Variants in SERGEF observed in about 807,000 individuals in gnomAD.
SERGEF encodes the protein secretion-regulating guanine nucleotide exchange factor.
SERGEF carries 51 observed loss-of-function variants against 50.0 expected under a neutral mutation model. The ratio of observed to expected loss-of-function variants is 1.02; its 90% confidence interval spans 0.81 to 1.29. The LOEUF (loss-of-function observed/expected upper bound fraction) is 1.29, where lower values mean the gene tolerates loss of function less well. Ranked by LOEUF, SERGEF falls within the 50% of genes most tolerant of loss-of-function variation. The pLI is 0.00. For missense variants in SERGEF, 521 were observed against 557.0 expected, an observed-to-expected ratio of 0.94 and a Z score of 0.65; for synonymous variants, 205 against 212.4, an observed-to-expected ratio of 0.97 and a Z score of 0.30.
At chr11:17,927,725 G>C (rs569158458) in intron 9 of SERGEF, among the ~76,000 whole-genome samples, 1 of 152,348 alleles carries the variant, frequency 6.6e-6, no homozygotes, top group African/African-American at 2.4e-5. Context: ...CTGGGAACCT[G>C]TTAGAAGTGG....
chr11:18,000,464 A>C (rs1414604018), intron 5 of SERGEF, 33 bp downstream of exon 5: 5 of 1,457,770 alleles, frequency 3.4e-6, no homozygotes, highest in Non-Finnish European at 4.7e-6. Context: ...AGTATTAAAA[A>C]TAAAAATAAA....
chr11:17,931,973 T>C (rs572479473), intron 9 of SERGEF, among the ~76,000 whole-genome samples: 2 of 152,190 alleles, frequency 1.3e-5, no homozygotes, highest in South Asian at 4.1e-4. Flanking sequence ...AGTAGAAAAC[T>C]AAGCTTTCAA....
chr11:17,908,975 A>C (rs1851901568), intron 9 of SERGEF, among the ~76,000 whole-genome samples: 1 of 152,200 alleles, frequency 6.6e-6, no homozygotes. Flanking sequence ...CAAGAATAAA[A>C]AGGTATAGAA....
chr11:17,995,692 C>T, intron 6 of SERGEF, 104 bp downstream of exon 6: 1 of 810,420 alleles, frequency 1.2e-6, no homozygotes, highest in Non-Finnish European at 2.0e-6. Context: ...TTAGAGAGAC[C>T]AAGAAATAGC....
chr11:17,879,207 TGG>T lies in SERGEF; in HGVS notation c.1012-965_1012-964del, dbSNP rs557468332. ...TTCTGAATCCAGAGTTTCCAACCAG[TGG>T]GAGATACTTCTTGCCCTTCAGTCTC... On this transcript the variant is annotated intron_variant, in intron 9 of 10. Transcript: ENST00000265965. Among the ~76,000 whole-genome samples the T allele has an allele frequency of 3.1e-3, 467 of 152,290 alleles. 3 individuals are homozygous for T. Among genetic ancestry groups the T allele is most frequent in the African/African-American group, 0.011 (452 of 41,558 alleles).
At chr11:17,967,888 C>T in intron 8 of SERGEF, among the ~76,000 whole-genome samples, 1 of 152,224 alleles carries the variant, frequency 6.6e-6, no homozygotes, top group East Asian at 1.9e-4. Context: ...GCTGGTCAGC[C>T]TGTCTGTCCC....
Position 17,980,708 on chromosome 11 carries a change from A to C in SERGEF, c.844+7889T>G, listed in dbSNP as rs748746615. On this transcript the variant is annotated intron_variant, in intron 8 of 10. Transcript: ENST00000265965. ...AAACATTCTATTTAATGACAATATAATATTCCAACATATGGCTCTGCCACA... is the reference window on the plus strand; with the variant it reads ...AAACATTCTATTTAATGACAATATACTATTCCAACATATGGCTCTGCCACA... Among the ~76,000 whole-genome samples, 4 of 152,314 alleles carry C rather than the reference A, an allele frequency of 2.6e-5. No homozygotes were observed. In the South Asian group the frequency reaches 6.2e-4, roughly 24 times the overall value.
chr11:17,797,315 C>T (rs1353647904), intron 10 of SERGEF, among the ~76,000 whole-genome samples: 5 of 152,210 alleles, frequency 3.3e-5, no homozygotes, highest in Non-Finnish European at 7.3e-5. Flanking sequence ...CTATCATGAT[C>T]CACTCTGCTA....
At chr11:17,985,757 C>T (rs1313904560) in intron 8 of SERGEF, among the ~76,000 whole-genome samples, 1 of 152,204 alleles carries the variant, frequency 6.6e-6, no homozygotes, top group East Asian at 1.9e-4. Flanking sequence ...GAGAACACAT[C>T]CCAGATTCCC....
intron 6 of SERGEF, among the ~76,000 whole-genome samples, chr11:17,994,403 G>A (rs2134001840): frequency 6.7e-6 from 1 of 149,176 alleles, no homozygotes; most frequent in African/African-American, 2.5e-5. Flanking sequence ...GTGAACCCGG[G>A]AGGCGGACCT....
chr11:17,877,351 G>A (rs1203523195), intron 10 of SERGEF, among the ~76,000 whole-genome samples: 1 of 152,074 alleles, frequency 6.6e-6, no homozygotes, highest in Non-Finnish European at 1.5e-5. Context: ...CCTAGCGGAG[G>A]GCAATTACTT....
chr11:17,917,432 G>A (rs1224684457), intron 9 of SERGEF, among the ~76,000 whole-genome samples: 2 of 152,162 alleles, frequency 1.3e-5, no homozygotes, highest in South Asian at 2.1e-4. Context: ...GGTGGGAAGT[G>A]GGTGATGGAT....
rs536752501 is a variant in SERGEF at position 17,971,127 on chromosome 11, G to A, written c.845-11491C>T. On this transcript the variant is annotated intron_variant, in intron 8 of 10. Coordinates refer to ENST00000265965, the MANE Select transcript of SERGEF (RefSeq NM_012139.4). Reference sequence around the variant, plus strand: ...GAGAATCGCTTGAACCCAGGAGGTGGAGGTTGCAGTAAGCCAAGATCACAC... The same window carrying A: ...GAGAATCGCTTGAACCCAGGAGGTGAAGGTTGCAGTAAGCCAAGATCACAC... Among the ~76,000 whole-genome samples, 74 of 152,240 alleles carry A rather than the reference G, an allele frequency of 4.9e-4. No individual in the cohort carries two copies. The South Asian group carries it at 0.011, about 23-fold the overall frequency.
At chr11:17,802,104 G>A (rs1200146476) in intron 10 of SERGEF, among the ~76,000 whole-genome samples, 4 of 152,144 alleles carry the variant, frequency 2.6e-5, no homozygotes, top group East Asian at 3.9e-4. Flanking sequence ...GGACTGCTGC[G>A]CTGGGAAACC....
intron 10 of SERGEF, among the ~76,000 whole-genome samples, chr11:17,853,197 G>GAA (rs3216313): frequency 6.6e-6 from 1 of 150,970 alleles, no homozygotes; most frequent in East Asian, 1.9e-4. Flanking sequence ...TGACTAAATA[G>GAA]AAAAAAAAAT....
intron 10 of SERGEF, among the ~76,000 whole-genome samples, chr11:17,852,498 C>T (rs1850732369): frequency 6.6e-6 from 1 of 152,182 alleles, no homozygotes; most frequent in Non-Finnish European, 1.5e-5. Flanking sequence ...CACACCACCC[C>T]ACTTCACCCC....
chr11:17,995,755 G>A (rs757312517), intron 6 of SERGEF, 41 bp downstream of exon 6: 7 of 1,379,222 alleles, frequency 5.1e-6, no homozygotes, highest in Non-Finnish European at 7.2e-6. Flanking sequence ...TCTACTTCCT[G>A]ACAAAGAACA....
At chr11:18,006,822 T>C (rs1204660760) in intron 2 of SERGEF, 76 bp from the exon 3 acceptor site, 6 of 1,526,620 alleles carry the variant, frequency 3.9e-6, no homozygotes, top group Admixed American at 1.8e-5. Flanking sequence ...AAGATTTCAC[T>C]AATTATTTGG....
chr11:17,927,866 C>G (rs1283440215), intron 9 of SERGEF, among the ~76,000 whole-genome samples: 1 of 152,202 alleles, frequency 6.6e-6, no homozygotes, highest in African/African-American at 2.4e-5. Flanking sequence ...TCCAGGCCGA[C>G]CTGGGGCATG....
Sources: gnomAD v4.1 joint callset for allele counts (sites outside exome capture counted in the v4.1 genomes callset) on GRCh38, gnomAD v4.1.1 for gene constraint, MANE v1.5 for transcripts, NCBI Gene and HGNC (gene_info 2026-07-23, HGNC 2026-07-21) for gene names.